MED12L: variants seen among roughly 807,000 people sequenced by gnomAD.
MED12L encodes mediator complex subunit 12L.
A neutral mutation model predicts 281.3 loss-of-function variants in MED12L; 60 were observed. The ratio of observed to expected loss-of-function variants is 0.21; its 90% CI spans 0.17 to 0.26. The LOEUF is 0.26. Among genes scored for constraint, MED12L ranks in the 10% least tolerant of loss-of-function variants. MED12L has a pLI of 1.00. For missense variants in MED12L, 2,146 were observed against 2,680.9 expected (o/e 0.80, Z 4.41); for synonymous variants, 974 against 987.2 (o/e 0.99, Z 0.25).
At chr3:151,196,412 A>G (rs1283721777) in intron 16 of MED12L, among the ~76,000 whole-genome samples, 1 of 152,154 alleles carries the variant, frequency 6.6e-6, no homozygotes, top group East Asian at 1.9e-4. Context: ...TTCTCATTGC[A>G]TGTGAGGAGA....
At chr3:151,425,774 A>G (rs866035302) in intron 43 of MED12L, 81 of 456,346 alleles carry the variant, frequency 1.8e-4, no homozygotes, top group African/African-American at 1.3e-3. Flanking sequence ...GTTAAACCAT[A>G]TGTTTGCTAA....
In MED12L at chr3:151,336,682, A is replaced by G. The variant is rs187026711; in HGVS notation, c.2251-13377A>G. On this transcript the variant is annotated intron_variant, in intron 16 of 44. Transcript: ENST00000687756. Reference sequence around the variant, plus strand: ...AAGTCTGACCTGTTTTATCATTTACATTTGAACTTATTGAAATGAGAAGTC... The same window carrying G: ...AAGTCTGACCTGTTTTATCATTTACGTTTGAACTTATTGAAATGAGAAGTC... 78 of 356,936 alleles carry G rather than the reference A, an allele frequency of 2.2e-4. No homozygotes were observed. In the East Asian group the frequency reaches 5.4e-3, roughly 24 times the overall value. The allele number at this position is 356,936 out of a possible 1,614,324, so 22.1% of individuals were successfully genotyped here.
At chr3:151,368,069 G>T in intron 24 of MED12L, 81 bp from the exon 25 acceptor site, 1 of 1,137,198 alleles carries the variant, frequency 8.8e-7, no homozygotes. Context: ...ATTATTCCAG[G>T]AAATTTAGCT....
At chr3:151,144,566 T>G (rs1717512004) in intron 5 of MED12L, among the ~76,000 whole-genome samples, 1 of 152,208 alleles carries the variant, frequency 6.6e-6, no homozygotes, top group South Asian at 2.1e-4. Context: ...CACGCTGGTC[T>G]CTTTTCTTCT....
At chr3:151,182,044 A>T (rs1448032368) in intron 11 of MED12L, among the ~76,000 whole-genome samples, 3 of 152,214 alleles carry the variant, frequency 2.0e-5, no homozygotes, top group Non-Finnish European at 4.4e-5. Context: ...GAGGTAAGTT[A>T]AAGTTGCTTG....
chr3:151,144,306 C>A (rs1223492627), intron 5 of MED12L, among the ~76,000 whole-genome samples: 1 of 152,082 alleles, frequency 6.6e-6, no homozygotes, highest in South Asian at 2.1e-4. Flanking sequence ...AGCATGTTTA[C>A]GTTAAAATGA....
chr3:151,087,812 A>C (rs1719482992), intron 2 of MED12L, among the ~76,000 whole-genome samples: 1 of 152,166 alleles, frequency 6.6e-6, no homozygotes, highest in African/African-American at 2.4e-5. Flanking sequence ...TCAGGAGTTA[A>C]CAAGTAATTA....
In MED12L at chr3:151,166,082, G is replaced by A. The variant is rs916467179; in HGVS notation, c.1494+100G>A. ...TCTGGCGAAACCTTTTCTATGAAGTGTAGTATCTTATGAAGACATACACAC... is the reference window on the plus strand; with the variant it reads ...TCTGGCGAAACCTTTTCTATGAAGTATAGTATCTTATGAAGACATACACAC... On this transcript the variant is annotated intron_variant, in intron 11 of 44. Transcript: ENST00000687756. The A allele has an allele frequency of 1.3e-5, 13 of 987,144 alleles. No individual in the cohort carries two copies. The African/African-American group carries it at 2.0e-4, about 15-fold the overall frequency. The allele number at this position is 987,144 out of a possible 1,614,324, so 61.1% of individuals were successfully genotyped here.
At chr3:151,210,473 T>G (rs1306390238) in intron 16 of MED12L, among the ~76,000 whole-genome samples, 1 of 152,208 alleles carries the variant, frequency 6.6e-6, no homozygotes, top group East Asian at 1.9e-4. Flanking sequence ...TGTGATCTTT[T>G]TATATGATTA....
chr3:151,112,525 C>T (rs1712073170), intron 2 of MED12L, among the ~76,000 whole-genome samples: 1 of 152,146 alleles, frequency 6.6e-6, no homozygotes, highest in Non-Finnish European at 1.5e-5. Flanking sequence ...AATGCCAGTG[C>T]TCCAGGGCCA....
At chr3:151,205,873 A>G (rs577652535) in intron 16 of MED12L, among the ~76,000 whole-genome samples, 65 of 152,268 alleles carry the variant, frequency 4.3e-4, no homozygotes, top group African/African-American at 1.4e-3. Flanking sequence ...ATTGGGTGGT[A>G]GAACAGTGTA....
At chr3:151,381,505 G>C (rs1486620069) in intron 32 of MED12L, among the ~76,000 whole-genome samples, 1 of 152,120 alleles carries the variant, frequency 6.6e-6, no homozygotes, top group Non-Finnish European at 1.5e-5. Flanking sequence ...TCTTGAACTT[G>C]CTGAGCAAAT....
chr3:151,175,531 A>C (rs1156557437), intron 11 of MED12L, among the ~76,000 whole-genome samples: 1 of 152,182 alleles, frequency 6.6e-6, no homozygotes, highest in African/African-American at 2.4e-5. Flanking sequence ...TATATTAACA[A>C]ATTTCTTATT....
chr3:151,142,509 C>A (rs1326436984), intron 5 of MED12L, among the ~76,000 whole-genome samples: 1 of 152,192 alleles, frequency 6.6e-6, no homozygotes, highest in African/African-American at 2.4e-5. Flanking sequence ...ATAGTGAAGT[C>A]TCCTTTCTAA....
chr3:151,262,215 T>C (rs1739045024), intron 16 of MED12L, among the ~76,000 whole-genome samples: 1 of 152,238 alleles, frequency 6.6e-6, no homozygotes, highest in African/African-American at 2.4e-5. Context: ...TCCCCTGTTA[T>C]AAAGGAAACA....
intron 15 of MED12L, 105 bp from the exon 16 acceptor site, chr3:151,193,384 GA>G: frequency 1.3e-6 from 1 of 779,878 alleles, no homozygotes. Context: ...GGTTAAGTAG[GA>G]AAAGGTGTAT....
chr3:151,213,842 G>A (rs767695852), intron 16 of MED12L: 1 of 1,613,964 alleles, frequency 6.2e-7, no homozygotes. Flanking sequence ...TGGTTGGTGA[G>A]AATAATATTT....
chr3:151,371,477 G>T (rs1756178114), intron 26 of MED12L, among the ~76,000 whole-genome samples: 1 of 152,164 alleles, frequency 6.6e-6, no homozygotes, highest in South Asian at 2.1e-4. Context: ...AGAAACATAT[G>T]ATTATATATT....
intron 39 of MED12L, among the ~76,000 whole-genome samples, chr3:151,396,747 G>C (rs1211500102): frequency 6.6e-6 from 1 of 152,090 alleles, no homozygotes; most frequent in Non-Finnish European, 1.5e-5. Context: ...CTTTCAAACT[G>C]TTACTGCCAA....
Sources: gnomAD v4.1 joint callset for allele counts (sites outside exome capture counted in the v4.1 genomes callset) on GRCh38, gnomAD v4.1.1 for gene constraint, MANE v1.5 for transcripts, NCBI Gene and HGNC (gene_info 2026-07-23, HGNC 2026-07-21) for gene names.